Variants in TCF7L2 observed in about 807,000 individuals in gnomAD.
The protein encoded by TCF7L2 is transcription factor 7-like 2.
In TCF7L2, 23 loss-of-function variants were observed where a neutral mutation model predicts 77.9. The ratio of observed to expected loss-of-function variants is 0.30; its 90% CI spans 0.21 to 0.42. The LOEUF is 0.42. Among genes scored for constraint, TCF7L2 ranks in the 10% least tolerant of loss-of-function variants. The probability of loss-of-function intolerance (pLI) is 1.00; values close to 1 mark genes in which losing one functional copy is unlikely to be tolerated. For missense variants in TCF7L2, 654 were observed against 793.1 expected, an observed-to-expected ratio of 0.82 and a Z score of 2.11; for synonymous variants, 413 against 340.2, an observed-to-expected ratio of 1.21 and a Z score of -2.36.
intron 4 of TCF7L2, among the ~76,000 whole-genome samples, chr10:113,009,518 A>G (rs993224764): frequency 6.6e-6 from 1 of 152,218 alleles, no homozygotes; most frequent in Non-Finnish European, 1.5e-5. Context: ...GGAAATTCTC[A>G]GAAAACACAA....
At chr10:112,971,981 T>C (rs2038366482) in intron 4 of TCF7L2, among the ~76,000 whole-genome samples, 1 of 151,438 alleles carries the variant, frequency 6.6e-6, no homozygotes, top group Non-Finnish European at 1.5e-5. Flanking sequence ...TGTGCAGTGG[T>C]GCGATCTCGG....
intron 4 of TCF7L2, among the ~76,000 whole-genome samples, chr10:113,018,601 G>A (rs1300045869): frequency 6.6e-6 from 1 of 151,858 alleles, no homozygotes; most frequent in Non-Finnish European, 1.5e-5. Flanking sequence ...TGAGTATTTG[G>A]GATCACAGGT....
chr10:113,165,068 C>T (rs1000595651), intron 13 of TCF7L2, among the ~76,000 whole-genome samples: 1 of 152,144 alleles, frequency 6.6e-6, no homozygotes, highest in East Asian at 1.9e-4. Flanking sequence ...CTCACACTCA[C>T]ACACTCACAC....
In TCF7L2 at chr10:113,013,219, A is replaced by G. The variant is rs1358218232; in HGVS notation, c.451-26806A>G. On this transcript the variant is annotated intron_variant, in intron 4 of 13. Coordinates refer to ENST00000627217, the MANE Select transcript of TCF7L2 (RefSeq NM_001146274.2). ...CTGCAACCTCCGCCTCCCAGGTTCA[A>G]GCGATTCTCCTGCCTCAGCCTCCTG... 2.0e-5 allele frequency among the ~76,000 whole-genome samples: 3 copies of G among 150,196 alleles called. No homozygotes were observed. The East Asian group carries it at 5.8e-4, about 29-fold the overall frequency.
At chr10:113,032,249 C>T (rs2050363142) in intron 4 of TCF7L2, among the ~76,000 whole-genome samples, 1 of 152,192 alleles carries the variant, frequency 6.6e-6, no homozygotes, top group Non-Finnish European at 1.5e-5. Context: ...GTGTGAGCTG[C>T]TGTACCATAG....
chr10:112,951,327 C>T, intron 2 of TCF7L2, 54 bp downstream of exon 2: 4 of 990,860 alleles, frequency 4.0e-6, no homozygotes, highest in Non-Finnish European at 4.8e-6. Flanking sequence ...CCGGGCCGGC[C>T]GCCCCGCGCG....
intron 5 of TCF7L2, among the ~76,000 whole-genome samples, chr10:113,041,119 G>A (rs1420690855): frequency 6.6e-6 from 1 of 152,148 alleles, no homozygotes; most frequent in Admixed American, 6.5e-5. Context: ...TCCTTATTTT[G>A]GAGCTTGCTG....
chr10:112,970,116 A>G (rs2037906633), intron 4 of TCF7L2, among the ~76,000 whole-genome samples: 2 of 152,202 alleles, frequency 1.3e-5, no homozygotes, highest in African/African-American at 4.8e-5. Flanking sequence ...CAGCAAAAAC[A>G]AACTGTGTAA....
At chr10:113,103,169 G>T (rs2061858289) in intron 5 of TCF7L2, among the ~76,000 whole-genome samples, 1 of 152,046 alleles carries the variant, frequency 6.6e-6, no homozygotes, top group Admixed American at 6.5e-5. Context: ...TTCAAATGTT[G>T]TCCAAACGAG....
At chr10:113,024,964 TG>T (rs2048889453) in intron 4 of TCF7L2, among the ~76,000 whole-genome samples, 1 of 152,200 alleles carries the variant, frequency 6.6e-6, no homozygotes, top group Non-Finnish European at 1.5e-5. Context: ...AAATAATTTT[TG>T]TGCATGAAAC....
chr10:113,059,908 G>GGTGT (rs145215752), intron 5 of TCF7L2, among the ~76,000 whole-genome samples: 2 of 151,824 alleles, frequency 1.3e-5, no homozygotes, highest in African/African-American at 4.8e-5. Context: ...CCATTTTTGG[G>GGTGT]GTGTGTGTGT....
chr10:112,984,184 C>A (rs1257125562), intron 4 of TCF7L2, among the ~76,000 whole-genome samples: 1 of 152,198 alleles, frequency 6.6e-6, no homozygotes, highest in Non-Finnish European at 1.5e-5. Flanking sequence ...ACTTTCCCCC[C>A]GTACTTACCT....
At chr10:112,952,968 C>T (rs2032339577) in intron 3 of TCF7L2, among the ~76,000 whole-genome samples, 1 of 152,172 alleles carries the variant, frequency 6.6e-6, no homozygotes. Flanking sequence ...TACACCTTCT[C>T]CAGTTTGGTC....
intron 4 of TCF7L2, among the ~76,000 whole-genome samples, chr10:112,977,856 C>T (rs1445702372): frequency 1.3e-5 from 2 of 152,118 alleles, no homozygotes; most frequent in South Asian, 2.1e-4. Flanking sequence ...AATGACCAAA[C>T]GATGTACTGC....
intron 5 of TCF7L2, among the ~76,000 whole-genome samples, chr10:113,081,909 C>T (rs1167664309): frequency 6.6e-6 from 1 of 152,214 alleles, no homozygotes; most frequent in African/African-American, 2.4e-5. Context: ...ATGATCTCGG[C>T]TCACTGCAAC....
intron 5 of TCF7L2, among the ~76,000 whole-genome samples, chr10:113,084,942 AAATT>A (rs2059684956): frequency 6.6e-6 from 1 of 151,910 alleles, no homozygotes; most frequent in African/African-American, 2.4e-5. Flanking sequence ...CTGACACATA[AAATT>A]AATCACCACC....
At chr10:113,157,559 A>AT (rs1302780066) in intron 11 of TCF7L2, among the ~76,000 whole-genome samples, 4 of 152,210 alleles carry the variant, frequency 2.6e-5, no homozygotes, top group Non-Finnish European at 4.4e-5. Context: ...TTTGGCCTTC[A>AT]TAAGTAAGAA....
intron 5 of TCF7L2, among the ~76,000 whole-genome samples, chr10:113,135,110 GA>G (rs1312534827): frequency 6.6e-6 from 1 of 152,190 alleles, no homozygotes. Flanking sequence ...GTGAGAGGGG[GA>G]CTAAGCAGAG....
chr10:112,991,684 C>G (rs1221098527), intron 4 of TCF7L2, among the ~76,000 whole-genome samples: 3 of 152,142 alleles, frequency 2.0e-5, no homozygotes. Context: ...ACATATGGAG[C>G]AGAGACAGCG....
Sources: allele counts gnomAD v4.1 joint callset (sites outside exome capture counted in the v4.1 genomes callset), GRCh38; gene constraint gnomAD v4.1.1; transcripts MANE v1.5; gene names NCBI Gene and HGNC (gene_info 2026-07-23, HGNC 2026-07-21).